TMEM267: variants seen among roughly 807,000 people sequenced by gnomAD.
TMEM267 encodes the protein transmembrane protein 267.
Under a neutral mutation model 19.3 loss-of-function variants are expected in TMEM267, and 20 were observed. The observed-to-expected ratio is 1.04, with a 90% CI of 0.73 to 1.51. The LOEUF (loss-of-function observed/expected upper bound fraction) is 1.51, where lower values mean the gene tolerates loss of function less well. Ranked by LOEUF, TMEM267 falls within the 40% of genes most tolerant of loss-of-function variation. TMEM267 has a pLI of 0.00. For missense variants in TMEM267, 242 were observed against 261.9 expected (o/e 0.92, Z 0.52); for synonymous variants, 88 against 90.3 (o/e 0.97, Z 0.15).
At position 43,476,828 on chromosome 5, in the gene TMEM267, G is replaced by A. The variant is rs182788817; in HGVS notation, c.-75+6994C>T. Among the ~76,000 whole-genome samples the A allele has an allele frequency of 4.6e-5, 7 of 151,484 alleles. No homozygotes were observed. The East Asian group carries it at 5.8e-4, about 13-fold the overall frequency. ...TGATGTAATATTTGACCCAGATCTCGTTATCAGCTATGGTTCCAAGTGCAA... is the reference window on the plus strand; with the variant it reads ...TGATGTAATATTTGACCCAGATCTCATTATCAGCTATGGTTCCAAGTGCAA... On this transcript the variant is annotated intron_variant, in intron 1 of 2. Coordinates refer to ENST00000397080, the MANE Select transcript of TMEM267 (RefSeq NM_022483.5).
rs1165578467 is a variant in TMEM267, at chr5:43,451,616, G to T, written c.312+2042C>A. Among the ~76,000 whole-genome samples the T allele has an allele frequency of 3.9e-5, 6 of 152,276 alleles. No homozygotes were observed. The East Asian group carries it at 1.2e-3, about 29-fold the overall frequency. On this transcript the variant is annotated intron_variant, in intron 2 of 2. Transcript: ENST00000397080. ...AAAACCAACAGATGTTGGCAAGGATGCAGAGAAAAGGGAACACTTATACAT... is the reference window on the plus strand; with the variant it reads ...AAAACCAACAGATGTTGGCAAGGATTCAGAGAAAAGGGAACACTTATACAT...
chr5:43,460,604 C>T (rs1248898714), intron 1 of TMEM267, among the ~76,000 whole-genome samples: 1 of 151,916 alleles, frequency 6.6e-6, no homozygotes, highest in African/African-American at 2.4e-5. Context: ...ACTAAGGCCA[C>T]CCCTCCCCTA....
chr5:43,450,442 T>C (rs890573196), intron 2 of TMEM267, among the ~76,000 whole-genome samples: 3 of 152,250 alleles, frequency 2.0e-5, no homozygotes, highest in Non-Finnish European at 4.4e-5. Flanking sequence ...ATGGTGGATG[T>C]AAAATATTTT....
intron 1 of TMEM267, among the ~76,000 whole-genome samples, chr5:43,462,444 C>T (rs1479377844): frequency 6.6e-6 from 1 of 152,068 alleles, no homozygotes; most frequent in Admixed American, 6.6e-5. Flanking sequence ...CTAAATAAGG[C>T]ACTAAAGACC....
chr5:43,482,331 A>C (rs1221429153), intron 1 of TMEM267, among the ~76,000 whole-genome samples: 1 of 152,220 alleles, frequency 6.6e-6, no homozygotes, highest in East Asian at 1.9e-4. Flanking sequence ...TGAGTATTAG[A>C]AAAAGAGAAA....
intron 1 of TMEM267, among the ~76,000 whole-genome samples, chr5:43,481,931 C>G (rs550473965): frequency 3.9e-5 from 6 of 152,330 alleles, no homozygotes; most frequent in Non-Finnish European, 4.4e-5. Flanking sequence ...CAAGCTCCCC[C>G]TCCCGGGTTC....
rs998190091 is a variant in TMEM267 at position 43,469,563 on chromosome 5, A to G, written c.-75+14259T>C. Among the ~76,000 whole-genome samples, 6 of 152,312 alleles carry G rather than the reference A, an allele frequency of 3.9e-5. No individual in the cohort carries two copies. In the South Asian group the frequency reaches 1.0e-3, roughly 26 times the overall value. ...AAGGGCTAGGTAAAATTCAACATTTATTTGTTTTAAAAACCCTAAAAATAA... is the reference window on the plus strand; with the variant it reads ...AAGGGCTAGGTAAAATTCAACATTTGTTTGTTTTAAAAACCCTAAAAATAA... On this transcript the variant is annotated intron_variant, in intron 1 of 2. Coordinates refer to ENST00000397080, the MANE Select transcript of TMEM267 (RefSeq NM_022483.5).
At chr5:43,471,871 C>T (rs891582740) in intron 1 of TMEM267, among the ~76,000 whole-genome samples, 5 of 152,130 alleles carry the variant, frequency 3.3e-5, no homozygotes, top group Non-Finnish European at 5.9e-5. Flanking sequence ...ATCTCCACGA[C>T]ATTGATGTGG....
intron 1 of TMEM267, among the ~76,000 whole-genome samples, chr5:43,457,346 T>A (rs1392504380): frequency 6.6e-6 from 1 of 152,210 alleles, no homozygotes; most frequent in Non-Finnish European, 1.5e-5. Context: ...TTTAGGTTTA[T>A]GTATTAGTCT....
chr5:43,458,382 G>A (rs573797897), intron 1 of TMEM267, among the ~76,000 whole-genome samples: 19 of 152,302 alleles, frequency 1.2e-4, no homozygotes, highest in South Asian at 2.1e-4. Context: ...GATTACAGGC[G>A]TGAGCCACTG....
chr5:43,446,454 T>G lies in TMEM267; in HGVS notation c.416A>C (p.Asp139Ala). Residue 139 changes from aspartate to alanine, a missense_variant, in exon 3 of 3, where the codon GAC becomes GCC. Physicochemically the swap from Asp to Ala is moderately radical, Grantham distance 126. Transcript: ENST00000397080. ...KFTMHLFKLK[D>A]SWCFLPWMLF... ...CATCCAGGGAAGAAAGCACCATGAG[T>G]CTTTGAGCTTGAAAAGGTGCATAGT... The G allele has an allele frequency of 1.2e-6, 2 of 1,613,602 alleles. No homozygotes were observed. The highest frequency in any genetic ancestry group is 1.7e-6 in the Non-Finnish European group (2 of 1,179,608).
Position 43,446,030 on chromosome 5 carries a change from AAG to A in TMEM267, c.*190_*191del. ...TAATATTGCACTAGAGTTGTCATAG[AAG>A]AGAGAAGTAGAATAATAACAAGTAT... On this transcript the variant is annotated 3_prime_UTR_variant, in exon 3 of 3. Coordinates refer to ENST00000397080, the MANE Select transcript of TMEM267 (RefSeq NM_022483.5). 4.9e-6 allele frequency: 2 copies of A among 407,032 alleles called. No homozygotes were observed. Among genetic ancestry groups the A allele is most frequent in the African/African-American group, 2.0e-5 (1 of 48,962 alleles). The allele number at this position is 407,032 out of a possible 1,614,324, so 25.2% of individuals were successfully genotyped here. A position where few individuals can be genotyped will look rare whatever the true frequency, so the allele number is the denominator to read the frequency against.
intron 1 of TMEM267, among the ~76,000 whole-genome samples, chr5:43,456,007 T>TC (rs1472077312): frequency 6.6e-6 from 1 of 151,942 alleles, no homozygotes; most frequent in Non-Finnish European, 1.5e-5. Flanking sequence ...TTTTTTTTTT[T>TC]CAAAGAGACA....
chr5:43,456,227 A>G (rs1454876191), intron 1 of TMEM267, among the ~76,000 whole-genome samples: 1 of 152,222 alleles, frequency 6.6e-6, no homozygotes, highest in African/African-American at 2.4e-5. Context: ...ATGGATATCC[A>G]TATGCAAAAA....
chr5:43,444,951 C>A lies in TMEM267; in HGVS notation c.*1271G>T, dbSNP rs537293317. ...ACAGAATTCTGTTTAACTTAATATACAAGAAAATCTGCTGTGGATAAGGCA... is the reference window on the plus strand; with the variant it reads ...ACAGAATTCTGTTTAACTTAATATAAAAGAAAATCTGCTGTGGATAAGGCA... On this transcript the variant is annotated 3_prime_UTR_variant, in exon 3 of 3. Transcript: ENST00000397080. 1 of 152,160 alleles carries A rather than the reference C, an allele frequency of 6.6e-6. No homozygotes were observed. Among genetic ancestry groups the A allele is most frequent in the East Asian group, 1.9e-4 (1 of 5,180 alleles). 9.4% of individuals were successfully genotyped at this position (152,160 alleles called of 1,614,324 possible). A position where few individuals can be genotyped will look rare whatever the true frequency, so the allele number is the denominator to read the frequency against.
At chr5:43,463,123 C>T (rs556454722) in intron 1 of TMEM267, among the ~76,000 whole-genome samples, 1 of 152,288 alleles carries the variant, frequency 6.6e-6, no homozygotes, top group African/African-American at 2.4e-5. Flanking sequence ...ACTGATTCCA[C>T]AGAAATACAA....
chr5:43,474,654 G>C (rs563091679), intron 1 of TMEM267, among the ~76,000 whole-genome samples: 1 of 151,862 alleles, frequency 6.6e-6, no homozygotes, highest in Admixed American at 6.6e-5. Context: ...GGCTACTCGG[G>C]AGGATGAGGC....
rs888059929 is a variant in TMEM267 at position 43,448,735 on chromosome 5, C to T, written c.313-2178G>A. On this transcript the variant is annotated intron_variant, in intron 2 of 2. Coordinates refer to ENST00000397080, the MANE Select transcript of TMEM267 (RefSeq NM_022483.5). Reference sequence around the variant, plus strand: ...AGGTTGAGGTGAGCTGAGATCATACCGTTGCACTCCAGCCTGGGCAATAAG... The same window carrying T: ...AGGTTGAGGTGAGCTGAGATCATACTGTTGCACTCCAGCCTGGGCAATAAG... Among the ~76,000 whole-genome samples the T allele has an allele frequency of 5.9e-5, 9 of 151,872 alleles. No individual in the cohort carries two copies. In the East Asian group the frequency reaches 9.7e-4, roughly 16 times the overall value.
chr5:43,464,425 T>A (rs10472383), intron 1 of TMEM267, among the ~76,000 whole-genome samples: 3 of 152,164 alleles, frequency 2.0e-5, no homozygotes, highest in African/African-American at 4.8e-5. Context: ...AAGTTACCAA[T>A]GACTTTCTTC....
Sources: gnomAD v4.1 joint callset for allele counts (sites outside exome capture counted in the v4.1 genomes callset) on GRCh38, gnomAD v4.1.1 for gene constraint, MANE v1.5 for transcripts, NCBI Gene and HGNC (gene_info 2026-07-23, HGNC 2026-07-21) for gene names.